ELMOD3: variants seen among roughly 807,000 people sequenced by gnomAD.
ELMOD3 encodes ELMO domain containing 3, also known as ELMO domain-containing protein 3.
In ELMOD3, 36 loss-of-function variants were observed where a neutral mutation model predicts 47.4. The ratio of observed to expected loss-of-function variants is 0.76; its 90% confidence interval spans 0.58 to 1.00. The LOEUF (loss-of-function observed/expected upper bound fraction) is 1.00. Ranked by LOEUF, ELMOD3 falls within the 50% of genes least tolerant of loss-of-function variation. ELMOD3 has a pLI of 0.00. For synonymous variants in ELMOD3, 149 were observed against 183.5 expected, an observed-to-expected ratio of 0.81 and a Z score of 1.52; for missense variants, 404 against 463.8, an observed-to-expected ratio of 0.87 and a Z score of 1.18.
intron 11 of ELMOD3, 147 bp downstream of exon 11, chr2:85,377,621 T>G (rs1685252908): frequency 1.3e-6 from 1 of 745,480 alleles, no homozygotes; most frequent in Non-Finnish European, 2.0e-6. Flanking sequence ...GCTGTACCGC[T>G]CATTAGCTGT....
intron 7 of ELMOD3, 96 bp downstream of exon 7, chr2:85,368,850 G>A: frequency 1.6e-6 from 2 of 1,280,682 alleles, no homozygotes; most frequent in Non-Finnish European, 2.3e-6. Context: ...CTGGGACTAG[G>A]AGATAGAATT....
rs1280785617 is a variant in ELMOD3, at chr2:85,371,467, A to G, written c.512A>G (p.His171Arg). 1.9e-6 allele frequency: 3 copies of G among 1,614,112 alleles called. No homozygotes were observed. Among genetic ancestry groups the G allele is most frequent in the Non-Finnish European group, 2.5e-6 (3 of 1,180,048 alleles). The stretch of plus-strand genomic sequence containing the variant: ...GGCCTGGATAGCCAAGACCCAGTGC[A>G]TGGCCGAGTCCTCCAGACCATCTAT... The part of the protein sequence containing the change: ...QCGLDSQDPV[H>R]GRVLQTIYKK... The change falls in exon 10 of 14, where the codon CAT becomes CGT. Residue 171 changes from histidine to arginine, a missense_variant. By Grantham distance (29) the His-to-Arg change is conservative. Transcript: ENST00000409013.
intron 11 of ELMOD3, among the ~76,000 whole-genome samples, chr2:85,382,253 CGTG>C (rs1208831791): frequency 6.6e-6 from 1 of 150,608 alleles, no homozygotes; most frequent in Non-Finnish European, 1.5e-5. Flanking sequence ...TCCTGCCTAA[CGTG>C]GTGAAACCCC....
intron 4 of ELMOD3, among the ~76,000 whole-genome samples, chr2:85,357,775 G>A (rs556080774): frequency 5.3e-5 from 8 of 152,212 alleles, no homozygotes; most frequent in South Asian, 2.1e-4. Flanking sequence ...AGTAATATGC[G>A]AACTGTTCCA....
At chr2:85,364,684 G>A (rs1199703578) in intron 6 of ELMOD3, among the ~76,000 whole-genome samples, 3 of 150,920 alleles carry the variant, frequency 2.0e-5, no homozygotes, top group Non-Finnish European at 4.4e-5. Flanking sequence ...TCTATGTGTA[G>A]CTAAAAAATA....
intron 11 of ELMOD3, among the ~76,000 whole-genome samples, chr2:85,383,050 C>T (rs1448776532): frequency 6.9e-6 from 1 of 144,550 alleles, no homozygotes; most frequent in Non-Finnish European, 1.5e-5. Context: ...TCTTACCTTC[C>T]TTGTTAAAAG....
chr2:85,370,579 T>G (rs1186126751), intron 8 of ELMOD3, among the ~76,000 whole-genome samples: 1 of 152,180 alleles, frequency 6.6e-6, no homozygotes, highest in Non-Finnish European at 1.5e-5. Context: ...AGCCGAAAGC[T>G]ACCGAAATCA....
chr2:85,374,267 A>C (rs931975515), intron 10 of ELMOD3, among the ~76,000 whole-genome samples: 1 of 152,052 alleles, frequency 6.6e-6, no homozygotes, highest in Non-Finnish European at 1.5e-5. Context: ...TTGGGAGGCC[A>C]AGGCAGGAGG....
rs1481393623 is a variant in ELMOD3, at chr2:85,382,936, C to G, written c.738+5462C>G. ...GCTGTAGACTCTACCATCCCAGAAG[C>G]AGGAAAAAAAAAAAAAAACAAAAAA... On this transcript the variant is annotated intron_variant, in intron 11 of 13. Coordinates refer to ENST00000409013, the MANE Select transcript of ELMOD3 (RefSeq NM_001135022.2). Among the ~76,000 whole-genome samples the G allele has an allele frequency of 2.0e-4, 19 of 94,242 alleles. 1 individual carries two copies. In the South Asian group the frequency reaches 8.6e-3, roughly 43 times the overall value. 61.8% of individuals were successfully genotyped at this position (94,242 alleles called of 152,430 possible).
intron 4 of ELMOD3, among the ~76,000 whole-genome samples, chr2:85,358,105 C>T (rs1370744122): frequency 6.6e-6 from 1 of 151,786 alleles, no homozygotes; most frequent in South Asian, 2.1e-4. Context: ...CATGATGAAA[C>T]CCTGTCTTTA....
At chr2:85,356,047 A>G (rs1683529538) in intron 3 of ELMOD3, 1 of 152,272 alleles carries the variant, frequency 6.6e-6, no homozygotes, top group African/African-American at 2.4e-5. Context: ...TGTGTGGGCC[A>G]TCTGCCCACT....
rs115035337 is a variant in ELMOD3 at position 85,357,847 on chromosome 2, G to C, written c.54+595G>C. Among the ~76,000 whole-genome samples the C allele has an allele frequency of 9.4e-3, 1,434 of 152,264 alleles. 28 individuals carry two copies. The highest frequency in any genetic ancestry group is 0.033 in the African/African-American group (1,361 of 41,548). ...TGGAGAAGGAAAGGAAGGATGAAAT[G>C]AATCTCAGGTACACAGATGCCTGCA... is the stretch of plus-strand genomic sequence containing the variant. On this transcript the variant is annotated intron_variant, in intron 4 of 13. Coordinates refer to ENST00000409013, the MANE Select transcript of ELMOD3 (RefSeq NM_001135022.2).
chr2:85,368,597 C>A (rs531925938), intron 6 of ELMOD3, 89 bp from the exon 7 acceptor site: 3 of 1,375,956 alleles, frequency 2.2e-6, no homozygotes, highest in East Asian at 2.3e-5. Context: ...AAAAAATAGG[C>A]CCAAGGCAGG....
intron 11 of ELMOD3, among the ~76,000 whole-genome samples, chr2:85,381,406 C>T (rs1685531753): frequency 6.6e-6 from 1 of 152,114 alleles, no homozygotes; most frequent in South Asian, 2.1e-4. Flanking sequence ...TCAATAAGCC[C>T]TAATAAAAAC....
intron 4 of ELMOD3, among the ~76,000 whole-genome samples, chr2:85,359,274 GGTACTATCAAGCTGT>G (rs148408976): frequency 0.018 from 2,732 of 152,262 alleles, 35 homozygotes; most frequent in Middle Eastern, 0.041. Context: ...GATTTCATTA[GGTACTATCAAGCTGT>G]AGAGGTGGTA....
At position 85,363,138 on chromosome 2, in the gene ELMOD3, C is replaced by T. The variant is rs780357560; in HGVS notation, c.171C>T (p.Thr57=). 6.2e-7 allele frequency: 1 copy of T among 1,612,336 alleles called. No individual in the cohort carries two copies. Among genetic ancestry groups the T allele is most frequent in the African/African-American group, 1.3e-5 (1 of 74,850 alleles). The change falls in exon 6 of 14, where the codon ACC becomes ACT. Residue 57 remains threonine (T), a synonymous_variant. Coordinates refer to ENST00000409013, the MANE Select transcript of ELMOD3 (RefSeq NM_001135022.2). The part of the protein sequence containing the change: ...LKNHGILQAL[T]TEAYEWEPRV... ...ACCATGGCATTCTCCAGGCTCTGAC[C>T]ACAGAAGCTTATGAATGGGAGCCAC...
chr2:85,385,898 G>A (rs549329274), intron 11 of ELMOD3, among the ~76,000 whole-genome samples: 1 of 152,272 alleles, frequency 6.6e-6, no homozygotes, highest in South Asian at 2.1e-4. Flanking sequence ...GGAATGTGTG[G>A]GTAAGAGAGT....
chr2:85,370,434 A>G (rs1195711951), intron 8 of ELMOD3, among the ~76,000 whole-genome samples: 2 of 151,832 alleles, frequency 1.3e-5, no homozygotes, highest in East Asian at 1.9e-4. Flanking sequence ...AAAAAAAAAA[A>G]GCTGGGGAGC....
At chr2:85,389,577 A>C in intron 11 of ELMOD3, 174 bp from the exon 12 acceptor site, 1 of 619,420 alleles carries the variant, frequency 1.6e-6, no homozygotes, top group South Asian at 1.9e-5. Context: ...ACTGAGCCTT[A>C]GTTCCTCATC....
Sources: allele counts gnomAD v4.1 joint callset (sites outside exome capture counted in the v4.1 genomes callset), GRCh38; gene constraint gnomAD v4.1.1; transcripts MANE v1.5; gene names NCBI Gene and HGNC (gene_info 2026-07-23, HGNC 2026-07-21).